CSMD1: variants seen among roughly 807,000 people sequenced by gnomAD.
CSMD1 encodes CUB and sushi domain-containing protein 1.
Under a neutral mutation model 417.5 loss-of-function variants are expected in CSMD1, and 213 were observed. The observed-to-expected ratio is 0.51, with a 90% CI of 0.46 to 0.57. CSMD1 has a LOEUF of 0.57. Among genes scored for constraint, CSMD1 ranks in the 20% least tolerant of loss-of-function variants. The pLI is 0.00. For missense variants in CSMD1, 6,923 were observed against 4,529.7 expected (o/e 1.53, Z -15.17); for synonymous variants, 2,862 against 1,736.8 (o/e 1.65, Z -16.11).
At chr8:3,567,481 C>T (rs559167689) in intron 10 of CSMD1, among the ~76,000 whole-genome samples, 169 of 93,774 alleles carry the variant, frequency 1.8e-3, no homozygotes, top group African/African-American at 6.7e-3. Context: ...AAATAAAAAA[C>T]AACAAAAGGA....
chr8:4,617,945 A>C (rs1355786864), intron 2 of CSMD1, among the ~76,000 whole-genome samples: 1 of 152,148 alleles, frequency 6.6e-6, no homozygotes, highest in Non-Finnish European at 1.5e-5. Context: ...TAACTTTTTA[A>C]GATGCAATAT....
chr8:4,930,582 G>T (rs186910965), intron 1 of CSMD1, among the ~76,000 whole-genome samples: 2 of 152,254 alleles, frequency 1.3e-5, no homozygotes, highest in African/African-American at 4.8e-5. Flanking sequence ...CCCCTGCTAG[G>T]ATTGGCAAGG....
At chr8:3,855,997 T>C (rs778644565) in intron 5 of CSMD1, among the ~76,000 whole-genome samples, 8 of 152,188 alleles carry the variant, frequency 5.3e-5, no homozygotes, top group Non-Finnish European at 8.8e-5. Flanking sequence ...TAATCAATTT[T>C]TTTTTGTTTT....
chr8:3,546,181 G>GAA (rs200144978), intron 10 of CSMD1, among the ~76,000 whole-genome samples: 1 of 151,908 alleles, frequency 6.6e-6, no homozygotes, highest in South Asian at 2.1e-4. Context: ...TTCATATATG[G>GAA]AAAAAAACAC....
chr8:4,378,041 A>C (rs1802866443), intron 3 of CSMD1, among the ~76,000 whole-genome samples: 1 of 152,230 alleles, frequency 6.6e-6, no homozygotes, highest in African/African-American at 2.4e-5. Flanking sequence ...ATATACAGGT[A>C]AGTGTAACAC....
chr8:3,238,013 G>C (rs929370052), intron 26 of CSMD1, among the ~76,000 whole-genome samples: 1 of 151,398 alleles, frequency 6.6e-6, no homozygotes, highest in African/African-American at 2.4e-5. Context: ...CGTGTGAAGA[G>C]ACCACCAAAC....
chr8:4,254,599 G>C (rs536634173), intron 3 of CSMD1, among the ~76,000 whole-genome samples: 10 of 152,256 alleles, frequency 6.6e-5, no homozygotes, highest in East Asian at 1.9e-4. Flanking sequence ...CCACTCACTT[G>C]CTGACTCACC....
intron 3 of CSMD1, among the ~76,000 whole-genome samples, chr8:4,040,794 T>G (rs930511926): frequency 5.9e-5 from 9 of 152,176 alleles, no homozygotes; most frequent in African/African-American, 2.2e-4. Flanking sequence ...AGACTAGATT[T>G]TCAAAAGATT....
chr8:3,436,617 A>C (rs193007582), intron 12 of CSMD1, among the ~76,000 whole-genome samples: 1 of 152,360 alleles, frequency 6.6e-6, no homozygotes, highest in East Asian at 1.9e-4. Context: ...CATAATAAAC[A>C]TCACACCAAC....
chr8:3,998,166 G>C (rs1003037944), intron 4 of CSMD1, 56 bp from the exon 5 acceptor site: 4 of 1,441,006 alleles, frequency 2.8e-6, no homozygotes, highest in Non-Finnish European at 3.8e-6. Context: ...TTTCATACAC[G>C]AGTGTGTCCA....
At position 3,429,548 on chromosome 8, in the gene CSMD1, A is replaced by G. The variant is rs576009789; in HGVS notation, c.1562-19943T>C. Among the ~76,000 whole-genome samples the G allele has an allele frequency of 6.6e-5, 10 of 152,268 alleles. No individual in the cohort carries two copies. In the South Asian group the frequency reaches 1.7e-3, roughly 25 times the overall value. ...CTTTGGGGGCTGTCAGGAACGTTCA[A>G]TATCTTTCACTATGAGGTATTCGCA... On this transcript the variant is annotated intron_variant, in intron 12 of 69. Transcript: ENST00000635120.
chr8:2,963,864 T>C (rs181092921), intron 59 of CSMD1, among the ~76,000 whole-genome samples: 11 of 152,288 alleles, frequency 7.2e-5, no homozygotes, highest in Admixed American at 6.5e-4. Flanking sequence ...ATTTACTGAA[T>C]ATATTTTTTT....
chr8:3,209,764 T>G (rs1228981408), intron 30 of CSMD1, among the ~76,000 whole-genome samples: 1 of 152,238 alleles, frequency 6.6e-6, no homozygotes, highest in African/African-American at 2.4e-5. Flanking sequence ...ATTAACATAT[T>G]AAACAGATTA....
intron 10 of CSMD1, among the ~76,000 whole-genome samples, chr8:3,518,180 T>C (rs1797359838): frequency 6.6e-6 from 1 of 152,220 alleles, no homozygotes; most frequent in Non-Finnish European, 1.5e-5. Context: ...TGTATGGTTA[T>C]TAGCGAACTA....
At position 3,307,807 on chromosome 8, in the gene CSMD1, G is replaced by T; in HGVS notation, c.3838C>A (p.Gln1280Lys). 1.9e-6 allele frequency: 3 copies of T among 1,612,998 alleles called. No homozygotes were observed. The highest frequency in any genetic ancestry group is 2.5e-6 in the Non-Finnish European group (3 of 1,179,448). Residue 1280 changes from glutamine (Q) to lysine (K), a missense_variant, in exon 25 of 70, where the codon CAG (glutamine) becomes AAG (lysine). Coordinates refer to ENST00000635120, the MANE Select transcript of CSMD1 (RefSeq NM_033225.6). ...LPSCIAECGGQIHAATSGRIL... is the reference protein window; with the variant it reads ...LPSCIAECGGKIHAATSGRIL... Reference sequence around the variant, plus strand: ...CGTCCTGATGTGGCTGCATGGATCTGACCACCACATTCCGCTGTAGAAGAC... The same window carrying T: ...CGTCCTGATGTGGCTGCATGGATCTTACCACCACATTCCGCTGTAGAAGAC...
intron 5 of CSMD1, among the ~76,000 whole-genome samples, chr8:3,939,932 G>C (rs555343783): frequency 6.6e-6 from 1 of 151,992 alleles, no homozygotes; most frequent in East Asian, 1.9e-4. Context: ...CGGATGACAG[G>C]TGCACCGAAT....
intron 39 of CSMD1, among the ~76,000 whole-genome samples, chr8:3,156,426 T>C (rs1013595070): frequency 2.0e-5 from 3 of 152,136 alleles, no homozygotes; most frequent in Non-Finnish European, 4.4e-5. Context: ...GAGGTGAGTA[T>C]TGCAAGTCTC....
intron 2 of CSMD1, among the ~76,000 whole-genome samples, chr8:4,431,687 G>A (rs529946094): frequency 6.6e-6 from 1 of 152,220 alleles, no homozygotes; most frequent in South Asian, 2.1e-4. Flanking sequence ...TGAAACAAAA[G>A]AATCCTAAAT....
In CSMD1 at chr8:3,348,305, A is replaced by ATT. The variant is rs3839872; in HGVS notation, c.3305-146_3305-145dup. On this transcript the variant is annotated intron_variant, in intron 21 of 69. Transcript: ENST00000635120. The stretch of plus-strand genomic sequence containing the variant: ...TATATTATTTCAAAATAGATCAGTG[A>ATT]TTTTTTTTTATTGTTTGACCAACTG... 2.9e-3 allele frequency: 1,621 copies of ATT among 554,574 alleles called. 2 individuals are homozygous for ATT. Among genetic ancestry groups the ATT allele is most frequent in the Non-Finnish European group, 3.8e-3 (1,277 of 331,988 alleles). 34.4% of individuals were successfully genotyped at this position (554,574 alleles called of 1,614,324 possible).
Sources: allele counts gnomAD v4.1 joint callset (sites outside exome capture counted in the v4.1 genomes callset), GRCh38; gene constraint gnomAD v4.1.1; transcripts MANE v1.5; gene names NCBI Gene and HGNC (gene_info 2026-07-23, HGNC 2026-07-21).